CAB39: variants seen among roughly 807,000 people sequenced by gnomAD.
CAB39 encodes the protein calcium binding protein 39.
Under a neutral mutation model 40.0 loss-of-function variants are expected in CAB39, and 8 were observed. The ratio of observed to expected loss-of-function variants is 0.20; its 90% CI spans 0.12 to 0.36. CAB39 has a LOEUF of 0.36. Ranked by LOEUF, CAB39 falls within the 10% of genes least tolerant of loss-of-function variation. The probability of loss-of-function intolerance (pLI) is 1.00; values close to 1 mark genes in which losing one functional copy is unlikely to be tolerated. For missense variants in CAB39, 270 were observed against 401.1 expected, an observed-to-expected ratio of 0.67 and a Z score of 2.79; for synonymous variants, 156 against 141.6, an observed-to-expected ratio of 1.10 and a Z score of -0.72.
At chr2:230,810,347 A>G (rs772801119) in intron 6 of CAB39, 25 bp downstream of exon 6, 3 of 858,118 alleles carry the variant, frequency 3.5e-6, no homozygotes, top group Non-Finnish European at 5.3e-6. Context: ...TACTATTTTT[A>G]AATAATAAAT....
intron 1 of CAB39, among the ~76,000 whole-genome samples, chr2:230,728,157 G>C (rs1459520520): frequency 6.6e-6 from 1 of 152,130 alleles, no homozygotes; most frequent in Non-Finnish European, 1.5e-5. Context: ...AGAATTGCTT[G>C]AACCTGGGAA....
At chr2:230,724,195 C>G (rs990255242) in intron 1 of CAB39, among the ~76,000 whole-genome samples, 1 of 149,842 alleles carries the variant, frequency 6.7e-6, no homozygotes. Flanking sequence ...TGCAGCGCGC[C>G]GAGATTGCGC....
chr2:230,721,233 C>T (rs1402906897), intron 1 of CAB39, among the ~76,000 whole-genome samples: 7 of 152,118 alleles, frequency 4.6e-5, no homozygotes, highest in Non-Finnish European at 1.0e-4. Flanking sequence ...GAGTTCAAGA[C>T]CTGCCTGGCC....
chr2:230,768,947 T>TAA (rs1347051442), intron 2 of CAB39, among the ~76,000 whole-genome samples: 1 of 152,148 alleles, frequency 6.6e-6, no homozygotes, highest in African/African-American at 2.4e-5. Flanking sequence ...AATAACCATT[T>TAA]AAAAAACAGA....
At chr2:230,805,462 A>G (rs16827573) in intron 5 of CAB39, among the ~76,000 whole-genome samples, 2,579 of 152,272 alleles carry the variant, frequency 0.017, 66 homozygotes, top group African/African-American at 0.052. Flanking sequence ...CACAGCCATC[A>G]TGGATTCACT....
At chr2:230,778,304 T>C (rs899513086) in intron 2 of CAB39, among the ~76,000 whole-genome samples, 5 of 152,194 alleles carry the variant, frequency 3.3e-5, no homozygotes, top group Non-Finnish European at 7.3e-5. Context: ...AAGGCCGGTT[T>C]GGATCTACTG....
chr2:230,780,113 G>T (rs538405268), intron 2 of CAB39, among the ~76,000 whole-genome samples: 8 of 152,242 alleles, frequency 5.3e-5, no homozygotes, highest in South Asian at 2.1e-4. Context: ...AATTGCACAG[G>T]GGGTACCTGA....
At chr2:230,747,611 C>T (rs2124900071) in intron 1 of CAB39, among the ~76,000 whole-genome samples, 1 of 152,340 alleles carries the variant, frequency 6.6e-6, no homozygotes, top group East Asian at 1.9e-4. Flanking sequence ...ATAAATCTAA[C>T]TTTTAACTTG....
intron 1 of CAB39, among the ~76,000 whole-genome samples, chr2:230,732,138 G>A (rs565843652): frequency 4.5e-4 from 69 of 151,984 alleles, no homozygotes; most frequent in African/African-American, 1.6e-3. Flanking sequence ...CTGGAGGGCA[G>A]TGGCGCTATC....
chr2:230,804,356 T>C (rs911703866), intron 5 of CAB39, among the ~76,000 whole-genome samples: 2 of 152,080 alleles, frequency 1.3e-5, no homozygotes, highest in Non-Finnish European at 2.9e-5. Flanking sequence ...ACTTCATGAC[T>C]AAAATACCAA....
intron 1 of CAB39, among the ~76,000 whole-genome samples, chr2:230,754,449 T>C (rs1486502425): frequency 7.7e-6 from 1 of 129,420 alleles, no homozygotes; most frequent in African/African-American, 3.6e-5. Context: ...CCCTCCTTCT[T>C]CCCCTTTCCC....
At chr2:230,818,274 A>G (rs1025921854) in intron 8 of CAB39, 4 of 503,578 alleles carry the variant, frequency 7.9e-6, no homozygotes, top group Non-Finnish European at 1.4e-5. Flanking sequence ...TGTATTTAAT[A>G]CTAAACACTG....
At chr2:230,776,316 G>T (rs1439394341) in intron 2 of CAB39, among the ~76,000 whole-genome samples, 6 of 152,060 alleles carry the variant, frequency 3.9e-5, no homozygotes, top group African/African-American at 1.2e-4. Flanking sequence ...GAGTACAGGA[G>T]AACCCATGTA....
intron 5 of CAB39, among the ~76,000 whole-genome samples, chr2:230,807,052 A>G (rs1201014845): frequency 6.6e-6 from 1 of 152,190 alleles, no homozygotes; most frequent in Non-Finnish European, 1.5e-5. Context: ...AGGGCCTGGC[A>G]TAGACTGGAA....
At chr2:230,741,093 G>T (rs1395212117) in intron 1 of CAB39, among the ~76,000 whole-genome samples, 1 of 152,088 alleles carries the variant, frequency 6.6e-6, no homozygotes, top group African/African-American at 2.4e-5. Flanking sequence ...TAATTCAGGC[G>T]GTCCCCTGAT....
In CAB39 at chr2:230,722,791, T is replaced by C. The variant is rs1048698510; in HGVS notation, c.-44+9561T>C. 4.6e-5 allele frequency among the ~76,000 whole-genome samples: 7 copies of C among 152,322 alleles called. No individual in the cohort carries two copies. The South Asian group carries it at 8.3e-4, about 18-fold the overall frequency. On this transcript the variant is annotated intron_variant, in intron 1 of 8. Transcript: ENST00000258418. Reference sequence around the variant, plus strand: ...AATATTTTAAGACTTTAGAAGTGTTTAAGCAACCTCCAAGTAAAGCTAGAC... The same window carrying C: ...AATATTTTAAGACTTTAGAAGTGTTCAAGCAACCTCCAAGTAAAGCTAGAC...
chr2:230,802,430 A>G (rs962607073), intron 5 of CAB39, among the ~76,000 whole-genome samples: 1 of 152,204 alleles, frequency 6.6e-6, no homozygotes, highest in African/African-American at 2.4e-5. Flanking sequence ...TGAAGGAGAT[A>G]GAGACACAGA....
At chr2:230,786,163 C>CAAAAA (rs369510604) in intron 2 of CAB39, among the ~76,000 whole-genome samples, 8 of 72,740 alleles carry the variant, frequency 1.1e-4, no homozygotes, top group African/African-American at 1.7e-4. Flanking sequence ...GACTCTGTCT[C>CAAAAA]AAAAAAAAAA....
At chr2:230,745,600 T>C (rs1694958927) in intron 1 of CAB39, among the ~76,000 whole-genome samples, 1 of 152,180 alleles carries the variant, frequency 6.6e-6, no homozygotes. Flanking sequence ...TGGACCAAGC[T>C]TTTTAAAATT....
Sources: gnomAD v4.1 joint callset for allele counts (sites outside exome capture counted in the v4.1 genomes callset) on GRCh38, gnomAD v4.1.1 for gene constraint, MANE v1.5 for transcripts, NCBI Gene and HGNC (gene_info 2026-07-23, HGNC 2026-07-21) for gene names.